Variants in CDH4 observed in about 807,000 individuals in gnomAD.
The protein encoded by CDH4 is cadherin 4.
In CDH4, 33 loss-of-function variants were observed where a neutral mutation model predicts 86.0. The ratio of observed to expected loss-of-function variants is 0.38; its 90% CI spans 0.29 to 0.51. CDH4 has a LOEUF of 0.51. CDH4 is among the 20% of genes least tolerant of loss of function. The probability of loss-of-function intolerance (pLI) is 0.86; values close to 1 mark genes in which losing one functional copy is unlikely to be tolerated. For synonymous variants in CDH4, 555 were observed against 549.4 expected, an observed-to-expected ratio of 1.01 and a Z score of -0.14; for missense variants, 1,114 against 1,307.4, an observed-to-expected ratio of 0.85 and a Z score of 2.28.
intron 2 of CDH4, among the ~76,000 whole-genome samples, chr20:61,317,331 C>T (rs2084482236): frequency 6.6e-6 from 1 of 152,210 alleles, no homozygotes; most frequent in Non-Finnish European, 1.5e-5. Context: ...CTGCCTCAGC[C>T]TCCCGAATAA....
chr20:61,424,636 CCT>C (rs1211071450), intron 2 of CDH4, among the ~76,000 whole-genome samples: 1 of 152,200 alleles, frequency 6.6e-6, no homozygotes, highest in African/African-American at 2.4e-5. Flanking sequence ...AGGGATGTCC[CCT>C]GTCACCCACT....
chr20:61,643,210 G>GA (rs1372788469), intron 2 of CDH4, among the ~76,000 whole-genome samples: 3 of 152,184 alleles, frequency 2.0e-5, no homozygotes, highest in Admixed American at 6.5e-5. Flanking sequence ...AGGGAGGGGG[G>GA]GTGTAGAGAG....
intron 2 of CDH4, among the ~76,000 whole-genome samples, chr20:61,573,083 T>C (rs1369883589): frequency 6.6e-6 from 1 of 152,010 alleles, no homozygotes; most frequent in African/African-American, 2.4e-5. Context: ...GATGGTTGGA[T>C]GGATGGTTGG....
intron 2 of CDH4, among the ~76,000 whole-genome samples, chr20:61,329,162 G>C (rs1018662971): frequency 6.6e-6 from 1 of 152,218 alleles, no homozygotes; most frequent in Non-Finnish European, 1.5e-5. Context: ...TATCATTTTT[G>C]TACCATCATA....
At chr20:61,922,259 G>A (rs2054991009) in intron 9 of CDH4, among the ~76,000 whole-genome samples, 1 of 152,202 alleles carries the variant, frequency 6.6e-6, no homozygotes, top group Admixed American at 6.5e-5. Context: ...CAGTGAAACT[G>A]TTGCAAGCTT....
rs142858263 is a variant in CDH4, at chr20:61,846,973, G to A, written c.732+2150G>A. On this transcript the variant is annotated intron_variant, in intron 5 of 15. Coordinates refer to ENST00000614565, the MANE Select transcript of CDH4 (RefSeq NM_001794.5). The stretch of plus-strand genomic sequence containing the variant: ...GCACCAGAAGTGCTGTAGGGCTGCC[G>A]GGTGCCTGTTGCAGGAGGACTCAGG... Among the ~76,000 whole-genome samples the A allele has an allele frequency of 8.4e-3, 1,283 of 152,318 alleles. 6 individuals carry two copies. Among genetic ancestry groups the A allele is most frequent in the South Asian group, 0.015 (73 of 4,826 alleles).
intron 7 of CDH4, among the ~76,000 whole-genome samples, chr20:61,881,227 C>T (rs1050063596): frequency 1.2e-4 from 18 of 152,342 alleles, no homozygotes; most frequent in African/African-American, 4.3e-4. Flanking sequence ...GCAGTTCTCC[C>T]ACCGTGGGGC....
chr20:61,380,950 G>C (rs528225226), intron 2 of CDH4, among the ~76,000 whole-genome samples: 1 of 152,332 alleles, frequency 6.6e-6, no homozygotes, highest in South Asian at 2.1e-4. Flanking sequence ...AAAAATACTG[G>C]AGTATCATCC....
chr20:61,585,629 C>T (rs906449895), intron 2 of CDH4, among the ~76,000 whole-genome samples: 2 of 151,978 alleles, frequency 1.3e-5, no homozygotes, highest in African/African-American at 2.4e-5. Flanking sequence ...ATGGTCATGA[C>T]GGTGATGGTG....
intron 2 of CDH4, among the ~76,000 whole-genome samples, chr20:61,463,615 C>A (rs2085456900): frequency 6.6e-6 from 1 of 152,164 alleles, no homozygotes; most frequent in Non-Finnish European, 1.5e-5. Context: ...ATAGGTGGGT[C>A]CTGGAGGAGA....
rs966122546 is a variant in CDH4, at chr20:61,829,094, G to T, written c.577-15574G>T. Among the ~76,000 whole-genome samples the T allele has an allele frequency of 2.6e-5, 4 of 152,216 alleles. No individual in the cohort carries two copies. The highest frequency in any genetic ancestry group is 1.3e-4 in the Admixed American group (2 of 15,288). On this transcript the variant is annotated intron_variant, in intron 4 of 15. Coordinates refer to ENST00000614565, the MANE Select transcript of CDH4 (RefSeq NM_001794.5). This position sits in a 1 kb window ranked among gnomAD's most constrained non-coding sequence, Gnocchi z 4.2. ...GCCCGGCCACCACTCACCTCCAGCT[G>T]TGCGGCCCAGTTCCTAACAGGCCAC...
chr20:61,329,885 C>T (rs1600871091), intron 2 of CDH4, among the ~76,000 whole-genome samples: 1 of 44,118 alleles, frequency 2.3e-5, no homozygotes, highest in Non-Finnish European at 5.0e-5. Context: ...TATGTTGTTC[C>T]CCTCCCTGTG....
intron 2 of CDH4, among the ~76,000 whole-genome samples, chr20:61,660,290 G>A (rs375616690): frequency 5.3e-5 from 8 of 152,158 alleles, no homozygotes; most frequent in African/African-American, 1.2e-4. Context: ...CAACAGAAAC[G>A]CCCGCAAGGC....
intron 2 of CDH4, among the ~76,000 whole-genome samples, chr20:61,599,487 A>AC (rs2086581470): frequency 1.3e-5 from 2 of 151,844 alleles, no homozygotes; most frequent in East Asian, 1.9e-4. Flanking sequence ...GACCCTCCTG[A>AC]CCCCCCTGAC....
chr20:61,707,218 C>T (rs78022488), intron 2 of CDH4, among the ~76,000 whole-genome samples: 3,246 of 152,346 alleles, frequency 0.021, 41 homozygotes, highest in Non-Finnish European at 0.03. Flanking sequence ...GGACAGCACC[C>T]GCTTTGTCTT....
intron 2 of CDH4, among the ~76,000 whole-genome samples, chr20:61,547,364 CA>C (rs1411460041): frequency 6.6e-6 from 1 of 151,886 alleles, no homozygotes; most frequent in Non-Finnish European, 1.5e-5. Context: ...AGGCACCTGC[CA>C]CTGCGCCCGG....
intron 2 of CDH4, among the ~76,000 whole-genome samples, chr20:61,351,205 C>T (rs989574872): frequency 6.0e-5 from 9 of 151,012 alleles, no homozygotes; most frequent in African/African-American, 1.2e-4. Flanking sequence ...CAGAAATATT[C>T]GGAGGAAGAA....
chr20:61,797,629 T>TA (rs35878528), intron 4 of CDH4, among the ~76,000 whole-genome samples: 26,995 of 151,026 alleles, frequency 0.18, 2,536 homozygotes, highest in South Asian at 0.23. Flanking sequence ...TACAAAACAA[T>TA]AAAAAAAAAT....
chr20:61,724,393 C>T (rs1438695090), intron 2 of CDH4, among the ~76,000 whole-genome samples: 1 of 152,208 alleles, frequency 6.6e-6, no homozygotes, highest in Non-Finnish European at 1.5e-5. Context: ...CATGAAGGCC[C>T]TCACTTAGAA....
Sources: allele counts gnomAD v4.1 joint callset (sites outside exome capture counted in the v4.1 genomes callset), GRCh38; gene constraint gnomAD v4.1.1; non-coding constraint Gnocchi (gnomAD v3.1); transcripts MANE v1.5; gene names NCBI Gene and HGNC (gene_info 2026-07-23, HGNC 2026-07-21).